ODF2: variants seen among roughly 807,000 people sequenced by gnomAD.
ODF2 encodes the protein outer dense fiber of sperm tails 2, also known as outer dense fiber protein 2.
A neutral mutation model predicts 110.2 loss-of-function variants in ODF2; 47 were observed. The observed-to-expected ratio is 0.43, with a 90% CI of 0.34 to 0.54. The LOEUF (loss-of-function observed/expected upper bound fraction) is 0.54. ODF2 is among the 20% of genes least tolerant of loss of function. ODF2 has a pLI of 0.03. For missense variants in ODF2, 812 were observed against 1,054.5 expected (o/e 0.77, Z 3.19); for synonymous variants, 352 against 397.7 (o/e 0.89, Z 1.37).
intron 8 of ODF2, among the ~76,000 whole-genome samples, chr9:128,475,146 A>G (rs150994277): frequency 6.6e-6 from 1 of 152,242 alleles, no homozygotes; most frequent in East Asian, 1.9e-4. Flanking sequence ...TATAACAACT[A>G]TTTACATAGC....
rs978883013 is a variant in ODF2, at chr9:128,484,132, C to G, written c.1104+78C>G. 34 of 1,034,462 alleles carry G rather than the reference C, an allele frequency of 3.3e-5. No individual in the cohort carries two copies. In the East Asian group the frequency reaches 7.6e-4, roughly 23 times the overall value. The allele number at this position is 1,034,462 out of a possible 1,614,324, so 64.1% of individuals were successfully genotyped here. A position where few individuals can be genotyped will look rare whatever the true frequency, so the allele number is the denominator to read the frequency against. On this transcript the variant is annotated intron_variant, in intron 11 of 20. Transcript: ENST00000604420. ...GATGGTAGCGGCCTGGCCCAGATAT[C>G]ACACTCAGGAAGTGTGCCTCCAAAG... is the stretch of plus-strand genomic sequence containing the variant.
intron 10 of ODF2, among the ~76,000 whole-genome samples, chr9:128,483,187 C>T (rs892081609): frequency 2.0e-5 from 3 of 152,000 alleles, no homozygotes; most frequent in Non-Finnish European, 4.4e-5. Context: ...GCCACTGCGC[C>T]CAGCCGCAGT....
At chr9:128,460,984 C>T (rs745747065) in exon 4 of ODF2, 5 of 1,613,962 alleles carry the variant, frequency 3.1e-6, no homozygotes, top group East Asian at 2.2e-5. Flanking sequence ...TGTGAATGTG[C>T]GGCGGAGTGT....
intron 13 of ODF2, among the ~76,000 whole-genome samples, chr9:128,487,587 A>G (rs531592386): frequency 6.6e-6 from 1 of 152,100 alleles, no homozygotes; most frequent in South Asian, 2.1e-4. Context: ...GGAGATCGAG[A>G]CCATCCTGGC....
chr9:128,458,975 G>A (rs544286547), intron 2 of ODF2, among the ~76,000 whole-genome samples: 2 of 152,060 alleles, frequency 1.3e-5, no homozygotes, highest in Non-Finnish European at 2.9e-5. Flanking sequence ...CTCCCGAGTA[G>A]CTGGGACTAC....
intron 14 of ODF2, among the ~76,000 whole-genome samples, chr9:128,490,531 T>C (rs994213141): frequency 1.3e-5 from 2 of 152,130 alleles, no homozygotes; most frequent in African/African-American, 2.4e-5. Context: ...GTGATCAACC[T>C]GCCATGGCTT....
chr9:128,457,694 T>A (rs1588674367), intron 2 of ODF2, among the ~76,000 whole-genome samples: 1 of 152,160 alleles, frequency 6.6e-6, no homozygotes, highest in East Asian at 1.9e-4. Flanking sequence ...TGTCTTTATA[T>A]AATAGAGTAC....
chr9:128,457,488 AGG>A, intron 2 of ODF2: 1 of 1,534,268 alleles, frequency 6.5e-7, no homozygotes, highest in African/African-American at 1.4e-5. Context: ...AAAGGTGGCC[AGG>A]GGTCCCCAGG....
rs1322944602 is a variant in ODF2, at chr9:128,494,693, C to T, written c.1911+25C>T. ...GGTAAGGGACTGGCAGAAAGGGTCCCACGAACTGACCCGAGCAGGGGCCCG... is the reference window on the plus strand; with the variant it reads ...GGTAAGGGACTGGCAGAAAGGGTCCTACGAACTGACCCGAGCAGGGGCCCG... On this transcript the variant is annotated intron_variant, in intron 17 of 20. Coordinates refer to ENST00000604420, the Ensembl canonical transcript of ODF2. The surrounding 1 kb of genome is among the most constrained non-coding windows in gnomAD (Gnocchi z 4.6). 2.5e-6 allele frequency: 4 copies of T among 1,614,076 alleles called. No individual in the cohort carries two copies. Among genetic ancestry groups the T allele is most frequent in the Non-Finnish European group, 3.4e-6 (4 of 1,180,054 alleles).
exon 21 of ODF2, chr9:128,500,375 T>C: frequency 1.1e-6 from 1 of 924,910 alleles, no homozygotes; most frequent in South Asian, 1.6e-5. Context: ...CAGGGTCTTG[T>C]CCTTAGCTAC....
intron 8 of ODF2, among the ~76,000 whole-genome samples, chr9:128,475,497 T>C (rs1376429537): frequency 1.3e-5 from 2 of 152,220 alleles, no homozygotes; most frequent in Non-Finnish European, 2.9e-5. Flanking sequence ...CTCTTAGCAA[T>C]TTTCAAGTAT....
intron 10 of ODF2, among the ~76,000 whole-genome samples, chr9:128,483,340 A>G (rs539277375): frequency 8.5e-5 from 13 of 152,266 alleles, no homozygotes; most frequent in Admixed American, 3.3e-4. Flanking sequence ...TGGGAGGCCA[A>G]TGCAGGAGGA....
At position 128,467,835 on chromosome 9, in the gene ODF2, A is replaced by T. The variant is rs184112771; in HGVS notation, c.250-1348A>T. Among the ~76,000 whole-genome samples the T allele has an allele frequency of 1.3e-4, 19 of 151,432 alleles. No individual in the cohort carries two copies. In the East Asian group the frequency reaches 3.7e-3, roughly 30 times the overall value. ...TTTTAAAATATTTAAAAAAATATTT[A>T]AAAAGCTGAGACTACAGGCACCTGC... is the stretch of plus-strand genomic sequence containing the variant. On this transcript the variant is annotated intron_variant, in intron 4 of 20. Transcript: ENST00000604420.
chr9:128,483,711 C>G (rs532672701), intron 10 of ODF2, among the ~76,000 whole-genome samples: 1 of 151,960 alleles, frequency 6.6e-6, no homozygotes, highest in Non-Finnish European at 1.5e-5. Context: ...ATGGTGAAAC[C>G]CTGTCTCTAC....
At chr9:128,473,201 C>A (rs1840463986) in intron 7 of ODF2, 159 bp downstream of exon 7, 2 of 985,052 alleles carry the variant, frequency 2.0e-6, no homozygotes, top group Non-Finnish European at 2.4e-6. Context: ...ACTCTCACTT[C>A]CCAATCCTTG....
intron 9 of ODF2, among the ~76,000 whole-genome samples, 155 bp from the exon 10 acceptor site, chr9:128,482,661 C>T (rs1295000250): frequency 6.6e-6 from 1 of 152,108 alleles, no homozygotes; most frequent in Non-Finnish European, 1.5e-5. Context: ...TGTTTTAATG[C>T]ATATGTTAGG....
chr9:128,494,632 C>T lies in ODF2; in HGVS notation c.1875C>T (p.Ile625=), dbSNP rs199784940. 3.0e-5 allele frequency: 49 copies of T among 1,614,056 alleles called. No homozygotes were observed. The highest frequency in any genetic ancestry group is 1.4e-4 in the South Asian group (13 of 91,086). Reference sequence around the variant, plus strand: ...TGCAGGGCTATGAGCGGAAGAACATCGACCTCACAGCCATCATATCAGACC... The same window carrying T: ...TGCAGGGCTATGAGCGGAAGAACATTGACCTCACAGCCATCATATCAGACC... The change falls in exon 17 of 21, where the codon ATC becomes ATT. Residue 625 remains isoleucine (I), a synonymous_variant. Coordinates refer to ENST00000604420, the Ensembl canonical transcript of ODF2. This position sits in a 1 kb window ranked among gnomAD's most constrained non-coding sequence, Gnocchi z 4.6.
exon 21 of ODF2, chr9:128,500,270 G>T (rs997561910): frequency 3.1e-6 from 5 of 1,613,340 alleles, no homozygotes; most frequent in Non-Finnish European, 3.4e-6. Flanking sequence ...ACTTATCAGG[G>T]CCTGGAGCCC....
chr9:128,456,019 C>A (rs1834679837), upstream of ODF2: 3 of 1,430,530 alleles, frequency 2.1e-6, no homozygotes, highest in Non-Finnish European at 2.8e-6. Context: ...CGGGGCGGGG[C>A]ATCTCTGTGA....
Sources: gnomAD v4.1 joint callset for allele counts (sites outside exome capture counted in the v4.1 genomes callset) on GRCh38, gnomAD v4.1.1 for gene constraint, Gnocchi (gnomAD v3.1) non-coding constraint, MANE v1.5 for transcripts, NCBI Gene and HGNC (gene_info 2026-07-23, HGNC 2026-07-21) for gene names.